Variants in SASH1 observed in about 807,000 individuals in gnomAD.
SASH1 encodes the protein SAM and SH3 domain-containing protein 1.
In SASH1, 44 loss-of-function variants were observed where a neutral mutation model predicts 125.2. The ratio of observed to expected loss-of-function variants is 0.35; its 90% confidence interval spans 0.28 to 0.45. The LOEUF (loss-of-function observed/expected upper bound fraction) is 0.45. Among genes scored for constraint, SASH1 ranks in the 20% least tolerant of loss-of-function variants. The pLI, the probability that SASH1 is intolerant of heterozygous loss-of-function variation, is 1.00. For synonymous variants in SASH1, 639 were observed against 649.1 expected (o/e 0.98, Z 0.24); for missense variants, 1,426 against 1,614.5 (o/e 0.88, Z 2.00).
At chr6:148,215,189 G>C in the SASH1 span, among the ~76,000 whole-genome samples, 2 of 152,090 alleles carry the variant, frequency 1.3e-5, no homozygotes, top group East Asian at 3.9e-4. Flanking sequence ...CACTCACCTA[G>C]CTTTATGTTT....
At chr6:148,492,873 TA>T (rs1779167461) in intron 8 of SASH1, among the ~76,000 whole-genome samples, 1 of 133,678 alleles carries the variant, frequency 7.5e-6, no homozygotes, top group African/African-American at 2.6e-5. Flanking sequence ...AATAAATAAA[TA>T]AAATCACACT....
chr6:148,512,882 A>C, intron 8 of SASH1: 3 of 984,988 alleles, frequency 3.0e-6, no homozygotes, highest in Non-Finnish European at 3.6e-6. Context: ...ATAGTTAACC[A>C]TAAGTGGGTA....
the SASH1 span, among the ~76,000 whole-genome samples, chr6:148,245,914 G>C: frequency 6.6e-6 from 1 of 151,712 alleles, no homozygotes; most frequent in Non-Finnish European, 1.5e-5. Context: ...GCGTGAACCC[G>C]GGAGATGGAG....
chr6:148,516,259 G>A (rs1269471391), intron 9 of SASH1, among the ~76,000 whole-genome samples: 1 of 151,968 alleles, frequency 6.6e-6, no homozygotes, highest in East Asian at 1.9e-4. Flanking sequence ...AGGGTGCTGA[G>A]TTGCCGTTGG....
At chr6:148,387,668 CTTTCTTTCTT>C (rs1562371676) in intron 1 of SASH1, among the ~76,000 whole-genome samples, 1 of 72,924 alleles carries the variant, frequency 1.4e-5, no homozygotes, top group East Asian at 3.0e-4. Context: ...TTCTTTCTTT[CTTTCTTTCTT>C]TCTTTCTTTC....
chr6:148,310,425 A>G (rs1261529242), intron 1 of SASH1, among the ~76,000 whole-genome samples: 1 of 6,886 alleles, frequency 1.5e-4, no homozygotes, highest in Non-Finnish European at 2.3e-4. Context: ...TCCATATGTG[A>G]AAAAAAAAAA....
chr6:148,549,408 T>G lies in SASH1; in HGVS notation c.*850T>G, dbSNP rs1249875126. 2.6e-6 allele frequency: 1 copy of G among 380,162 alleles called. No homozygotes were observed. The highest frequency in any genetic ancestry group is 4.7e-6 in the Non-Finnish European group (1 of 214,386). 23.5% of individuals were successfully genotyped at this position (380,162 alleles called of 1,614,324 possible). On this transcript the variant is annotated 3_prime_UTR_variant, in exon 20 of 20. Transcript: ENST00000367467. ...CTGAAATTCACAAATATCATGTGTG[T>G]GCGTGCGTGCGTGCGCGTGTGTGTC...
chr6:148,475,766 A>AC (rs540012383), intron 7 of SASH1, among the ~76,000 whole-genome samples: 36 of 152,202 alleles, frequency 2.4e-4, no homozygotes, highest in Non-Finnish European at 4.7e-4. Flanking sequence ...ATGTTCTGAG[A>AC]CCCCCAGTGG....
intron 7 of SASH1, among the ~76,000 whole-genome samples, chr6:148,485,068 G>GAA (rs71652057): frequency 2.6e-5 from 4 of 151,248 alleles, no homozygotes; most frequent in Admixed American, 6.6e-5. Flanking sequence ...CATACAGCAG[G>GAA]AAAAAAAAAT....
At chr6:148,471,254 T>C (rs1278956280) in intron 5 of SASH1, among the ~76,000 whole-genome samples, 163 bp from the exon 6 acceptor site, 1 of 152,082 alleles carries the variant, frequency 6.6e-6, no homozygotes, top group African/African-American at 2.4e-5. Context: ...TTTATAGGCA[T>C]CTCCCATTCT....
chr6:148,302,843 T>C (rs9485275), intron 1 of SASH1, among the ~76,000 whole-genome samples: 66,197 of 137,968 alleles, frequency 0.48, 15,327 homozygotes, highest in African/African-American at 0.6. Flanking sequence ...TATATATATA[T>C]ACACACACAC....
intron 1 of SASH1, among the ~76,000 whole-genome samples, chr6:148,298,667 GAGGAAGGAAGGAAGGAAGGA>G (rs71031057): frequency 9.0e-5 from 5 of 55,712 alleles, no homozygotes; most frequent in East Asian, 7.9e-4. Context: ...GGGAGGGAGG[GAGGAAGGAAGGAAGGAAGGA>G]AGGAAGGAAG....
At position 148,519,588 on chromosome 6, in the gene SASH1, G is replaced by C. The variant is rs746634403; in HGVS notation, c.904G>C (p.Glu302Gln). The C allele has an allele frequency of 6.2e-7, 1 of 1,614,066 alleles. No individual in the cohort carries two copies. Among genetic ancestry groups the C allele is most frequent in the East Asian group, 2.2e-5 (1 of 44,878 alleles). The change falls in exon 10 of 20, where the codon GAA (glutamate) becomes CAA (glutamine). Residue 302 changes from glutamate to glutamine, a missense_variant. Around this residue, in one of 3 missense-constraint regions of SASH1, gnomAD observed 567 missense variants for 575.6 expected, o/e 0.99. Transcript: ENST00000367467. This position sits in a 1 kb window ranked among gnomAD's most constrained non-coding sequence, Gnocchi z 4.8. ...HVFENSPVLD[E>Q]RSALYSGVHK... is the part of the protein sequence containing the mutation. Reference sequence around the variant, plus strand: ...GTTTGAGAATTCGCCGGTCCTGGATGAACGGTCCGCCCTCTACTCTGGCGT... The same window carrying C: ...GTTTGAGAATTCGCCGGTCCTGGATCAACGGTCCGCCCTCTACTCTGGCGT...
rs768183967 is a variant in SASH1, at chr6:148,440,206, C to T, written c.308C>T (p.Thr103Met). ...LEVEKPDASP[T>M]SLQLRSQIEE... is the part of the protein sequence containing the mutation. The stretch of plus-strand genomic sequence containing the variant: ...TAGGAGAAACCCGATGCTAGCCCCA[C>T]GTCACTTCAGCTGCGGTCCCAGATC... Residue 103 changes from threonine (T) to methionine (M), a missense_variant, in exon 3 of 20, where the codon ACG (threonine) becomes ATG (methionine). Thr to Met is a moderately conservative substitution (Grantham distance 81, BLOSUM62 -1). Transcript: ENST00000367467. The T allele has an allele frequency of 2.0e-5, 33 of 1,613,886 alleles. No individual in the cohort carries two copies. The East Asian group carries it at 5.1e-4, about 25-fold the overall frequency.
At chr6:148,507,810 C>T (rs1054213386) in intron 8 of SASH1, among the ~76,000 whole-genome samples, 1 of 152,162 alleles carries the variant, frequency 6.6e-6, no homozygotes, top group Admixed American at 6.5e-5. Context: ...CATGAAGACT[C>T]ACCCAACAGG....
intron 2 of SASH1, among the ~76,000 whole-genome samples, chr6:148,408,983 G>A (rs935239206): frequency 2.6e-5 from 4 of 152,102 alleles, no homozygotes; most frequent in African/African-American, 7.2e-5. Context: ...CTTGTCACTC[G>A]GCTACATTCA....
At chr6:148,217,904 A>G in the SASH1 span, among the ~76,000 whole-genome samples, 16 of 151,450 alleles carry the variant, frequency 1.1e-4, no homozygotes, top group East Asian at 2.1e-3. Flanking sequence ...AGTCCCAGCT[A>G]CTGGAGAGGC....
the SASH1 span, among the ~76,000 whole-genome samples, chr6:148,215,284 A>G: frequency 6.6e-5 from 10 of 152,320 alleles, no homozygotes; most frequent in South Asian, 1.7e-3. Context: ...AAAACAACCC[A>G]GTTTGGAAAC....
chr6:148,273,518 T>G (rs1303910929), intron 1 of SASH1, among the ~76,000 whole-genome samples: 2 of 151,812 alleles, frequency 1.3e-5, no homozygotes. Flanking sequence ...GGTCTTGAAC[T>G]CCTGACCCCA....
Sources: allele counts gnomAD v4.1 joint callset (sites outside exome capture counted in the v4.1 genomes callset), GRCh38; gene constraint gnomAD v4.1.1; regional missense constraint gnomAD v4.1.1; non-coding constraint Gnocchi (gnomAD v3.1); transcripts MANE v1.5; gene names NCBI Gene and HGNC (gene_info 2026-07-23, HGNC 2026-07-21).